The following CTTN variants were observed in gnomAD, a reference collection of about 807,000 sequenced individuals.
The protein encoded by CTTN is src substrate cortactin.
A neutral mutation model predicts 84.0 loss-of-function variants in CTTN; 28 were observed. The observed-to-expected ratio is 0.33, with a 90% CI of 0.25 to 0.46. The LOEUF (loss-of-function observed/expected upper bound fraction) is 0.46. Among genes scored for constraint, CTTN ranks in the 20% least tolerant of loss-of-function variants. CTTN has a pLI of 1.00. For synonymous variants in CTTN, 301 were observed against 288.8 expected (o/e 1.04, Z -0.43); for missense variants, 641 against 723.8 (o/e 0.89, Z 1.31).
At chr11:70,433,342 AC>A in intron 16 of CTTN, 64 bp downstream of exon 16, 1 of 1,487,246 alleles carries the variant, frequency 6.7e-7, no homozygotes, top group Non-Finnish European at 9.0e-7. Flanking sequence ...ATCCTGCTCG[AC>A]CTGTGGCGTC....
At chr11:70,401,916 T>C (rs944625004) in intron 1 of CTTN, among the ~76,000 whole-genome samples, 2 of 152,156 alleles carry the variant, frequency 1.3e-5, no homozygotes, top group Admixed American at 1.3e-4. Context: ...TTTGAGAGGC[T>C]GAGGCTGGCA....
At chr11:70,433,491 C>T in intron 16 of CTTN, 156 bp from the exon 17 acceptor site, 1 of 778,162 alleles carries the variant, frequency 1.3e-6, no homozygotes, top group Non-Finnish European at 2.2e-6. Context: ...CCCCATTGTG[C>T]TGGGGACGGG....
At chr11:70,421,134 C>T (rs1037925519) in intron 10 of CTTN, among the ~76,000 whole-genome samples, 3 of 152,182 alleles carry the variant, frequency 2.0e-5, no homozygotes, top group East Asian at 1.9e-4. Context: ...TCTCTCCTCC[C>T]GTGTACACAG....
chr11:70,431,270 C>G lies in CTTN; in HGVS notation c.1256C>G (p.Pro419Arg), dbSNP rs150885686. ...QPTEERLPSSPVYEDAASFKA... is the reference protein window; with the variant it reads ...QPTEERLPSSRVYEDAASFKA... ...ACCGAGGAGAGGCTGCCCTCGAGCC[C>G]CGTCTATGAGGTTGGTGTCTTTGGT... Residue 419 changes from proline (P) to arginine (R), a missense_variant, in exon 15 of 18, where the codon CCC (proline) becomes CGC (arginine). By Grantham distance (103) the Pro-to-Arg change is moderately radical. Coordinates refer to ENST00000301843, the MANE Select transcript of CTTN (RefSeq NM_005231.4). 1.8e-5 allele frequency: 29 copies of G among 1,614,030 alleles called. No homozygotes were observed. Among genetic ancestry groups the G allele is most frequent in the Non-Finnish European group, 2.4e-5 (28 of 1,180,020 alleles).
rs190196762 is a variant in CTTN at position 70,403,257 on chromosome 11, C to T, written c.-97-2008C>T. Among the ~76,000 whole-genome samples the T allele has an allele frequency of 8.8e-3, 1,230 of 139,340 alleles. 17 individuals are homozygous for T. The highest frequency in any genetic ancestry group is 0.033 in the African/African-American group (1,198 of 36,420). 91.4% of individuals were successfully genotyped at this position (139,340 alleles called of 152,430 possible). On this transcript the variant is annotated intron_variant, in intron 1 of 17. Coordinates refer to ENST00000301843, the MANE Select transcript of CTTN (RefSeq NM_005231.4). ...AGGCTGCAGTATAGTGGCGCAATCT[C>T]GGCTCACTACAGCCTCTGTCTCCCG...
intron 15 of CTTN, among the ~76,000 whole-genome samples, chr11:70,431,526 A>G (rs1284269870): frequency 6.6e-6 from 1 of 152,036 alleles, no homozygotes; most frequent in Non-Finnish European, 1.5e-5. Flanking sequence ...AGCCTGTTGT[A>G]GTCTGGCCAC....
rs555755248 is a variant in CTTN, at chr11:70,399,361, G to A, written c.-98+747G>A. Reference sequence around the variant, plus strand: ...GAGGGGAGGGGATTGGGGCTCCAGGGGAAGGGATCCAGGCGCAGGGAAAAG... The same window carrying A: ...GAGGGGAGGGGATTGGGGCTCCAGGAGAAGGGATCCAGGCGCAGGGAAAAG... On this transcript the variant is annotated intron_variant, in intron 1 of 17. Transcript: ENST00000301843. Among the ~76,000 whole-genome samples the A allele has an allele frequency of 1.3e-3, 202 of 151,872 alleles. 1 individual carries two copies. The highest frequency in any genetic ancestry group is 4.8e-3 in the African/African-American group (198 of 41,390).
chr11:70,399,105 G>A (rs2057944942), intron 1 of CTTN, among the ~76,000 whole-genome samples: 1 of 148,944 alleles, frequency 6.7e-6, no homozygotes, highest in African/African-American at 2.5e-5. Context: ...GAGCGGAGGG[G>A]GCCGGGGTTC....
intron 4 of CTTN, 138 bp from the exon 5 acceptor site, chr11:70,409,693 G>T: frequency 1.0e-6 from 1 of 969,388 alleles, no homozygotes; most frequent in Non-Finnish European, 1.6e-6. Context: ...ACAGTGCAGG[G>T]AGAGAATCGG....
chr11:70,406,230 T>G (rs1340612712), intron 2 of CTTN, among the ~76,000 whole-genome samples: 2 of 152,192 alleles, frequency 1.3e-5, no homozygotes, highest in East Asian at 1.9e-4. Flanking sequence ...CTGCCCTGAT[T>G]GGTCCCTCAC....
intron 14 of CTTN, among the ~76,000 whole-genome samples, chr11:70,429,793 C>T (rs548687): frequency 0.21 from 32,326 of 152,092 alleles, 3,724 homozygotes; most frequent in South Asian, 0.28. Flanking sequence ...TGGCTTGCCA[C>T]TGACAAGGAC....
intron 17 of CTTN, among the ~76,000 whole-genome samples, chr11:70,434,723 G>A (rs1319396496): frequency 1.3e-5 from 2 of 152,260 alleles, no homozygotes; most frequent in Non-Finnish European, 2.9e-5. Context: ...GCCAGAGAGA[G>A]GGGAAGGGAG....
chr11:70,417,412 A>T (rs1367061635), intron 8 of CTTN, among the ~76,000 whole-genome samples: 2 of 150,768 alleles, frequency 1.3e-5, no homozygotes, highest in Non-Finnish European at 3.0e-5. Flanking sequence ...TGTTGCCCGG[A>T]CTGGTCTTGA....
At chr11:70,413,506 A>G (rs540652304) in intron 5 of CTTN, among the ~76,000 whole-genome samples, 3 of 152,292 alleles carry the variant, frequency 2.0e-5, no homozygotes, top group Admixed American at 1.3e-4. Context: ...TGAATCACAC[A>G]AGCAGCTGTG....
At chr11:70,425,528 T>C in intron 13 of CTTN, 127 bp downstream of exon 13, 6 of 699,024 alleles carry the variant, frequency 8.6e-6, no homozygotes, top group Non-Finnish European at 1.3e-5. Flanking sequence ...CTGCGTATTT[T>C]TGGGAAAGAA....
chr11:70,426,145 T>C (rs2058297654), intron 13 of CTTN, among the ~76,000 whole-genome samples: 3 of 152,200 alleles, frequency 2.0e-5, no homozygotes, highest in Admixed American at 1.3e-4. Flanking sequence ...CAGTGGCTCA[T>C]GCCTGTAATC....
chr11:70,409,059 C>G (rs1160618731), intron 4 of CTTN, among the ~76,000 whole-genome samples: 1 of 152,122 alleles, frequency 6.6e-6, no homozygotes, highest in Non-Finnish European at 1.5e-5. Context: ...GGGGCCTTCC[C>G]AGGTTTTAGG....
In CTTN at chr11:70,414,619, C is replaced by A; in HGVS notation, c.369C>A (p.Gly123=). The change falls in exon 6 of 18, where the codon GGC becomes GGA. Residue 123 remains glycine (G), a synonymous_variant. Coordinates refer to ENST00000301843, the MANE Select transcript of CTTN (RefSeq NM_005231.4). ...TGGACTCGGTCCGTGGCTTCGGAGG[C>A]AAGTTTGGTGTCCAGATGGACAGAG... ...SQVDSVRGFG[G]KFGVQMDRVD... is the part of the protein sequence containing the mutation. 6.2e-7 allele frequency: 1 copy of A among 1,614,104 alleles called. No homozygotes were observed. Among genetic ancestry groups the A allele is most frequent in the South Asian group, 1.1e-5 (1 of 91,090 alleles).
In CTTN at chr11:70,435,004, TTC is replaced by T. The variant is rs2058398677; in HGVS notation, c.1517-18_1517-17del. On this transcript the variant is annotated intron_variant, in intron 17 of 17. Coordinates refer to ENST00000301843, the MANE Select transcript of CTTN (RefSeq NM_005231.4). ...AGGAAACGCTTGCACTTCAGCATCT[TTC>T]TCTGTGTTCTCTTCCCCAGCGGGCG... is the stretch of plus-strand genomic sequence containing the variant. 5 of 1,613,186 alleles carry T rather than the reference TTC, an allele frequency of 3.1e-6. No individual in the cohort carries two copies. In the East Asian group the frequency reaches 1.1e-4, roughly 36 times the overall value.
Sources: allele counts gnomAD v4.1 joint callset (sites outside exome capture counted in the v4.1 genomes callset), GRCh38; gene constraint gnomAD v4.1.1; transcripts MANE v1.5; gene names NCBI Gene and HGNC (gene_info 2026-07-23, HGNC 2026-07-21).